DYM: variants seen among roughly 807,000 people sequenced by gnomAD.
DYM encodes dymeclin.
DYM carries 78 observed loss-of-function variants against 93.1 expected under a neutral mutation model. That is an observed-to-expected ratio of 0.84 (90% CI 0.70 to 1.01). The LOEUF (loss-of-function observed/expected upper bound fraction) is 1.01, where lower values mean the gene tolerates loss of function less well. Ranked by LOEUF, DYM falls within the 50% of genes least tolerant of loss-of-function variation. The pLI, the probability that DYM is intolerant of heterozygous loss-of-function variation, is 0.00. For synonymous variants in DYM, 321 were observed against 319.7 expected, an observed-to-expected ratio of 1.00 and a Z score of -0.04; for missense variants, 789 against 845.0, an observed-to-expected ratio of 0.93 and a Z score of 0.82.
rs193282570 is a variant in DYM, at chr18:49,324,109, T to C, written c.763+7755A>G. On this transcript the variant is annotated intron_variant, in intron 8 of 17. Transcript: ENST00000675505. ...TACATCATGTCACTGCACTCCAGCCTGAGTGACAGAGCCAGATAGGCTCTG... is the reference window on the plus strand; with the variant it reads ...TACATCATGTCACTGCACTCCAGCCCGAGTGACAGAGCCAGATAGGCTCTG... Among the ~76,000 whole-genome samples, 226 of 114,668 alleles carry C rather than the reference T, an allele frequency of 2.0e-3. 1 individual carries two copies. The highest frequency in any genetic ancestry group is 7.3e-3 in the African/African-American group (209 of 28,808). The allele number at this position is 114,668 out of a possible 152,430, so 75.2% of individuals were successfully genotyped here. A position where few individuals can be genotyped will look rare whatever the true frequency, so the allele number is the denominator to read the frequency against.
chr18:49,431,984 A>C (rs1466518259), intron 1 of DYM: 1 of 152,238 alleles, frequency 6.6e-6, no homozygotes, highest in Non-Finnish European at 1.5e-5. Context: ...ATCATAATTC[A>C]GCTTCAATTA....
intron 12 of DYM, among the ~76,000 whole-genome samples, chr18:49,257,775 G>A (rs1229915633): frequency 6.6e-6 from 1 of 152,022 alleles, no homozygotes; most frequent in African/African-American, 2.4e-5. Flanking sequence ...TTAAGCCCAG[G>A]GGTTGGAGGT....
At position 49,043,293 on chromosome 18, in the gene DYM, C is replaced by A. The variant is rs1286429420; in HGVS notation, c.*762G>T. ...TACAGGAATGTGCCATCATGCCTGG[C>A]TAATTTTTAAGTTTTTTGTAGAGAT... On this transcript the variant is annotated 3_prime_UTR_variant, in exon 18 of 18. Coordinates refer to ENST00000675505, the MANE Select transcript of DYM (RefSeq NM_001353214.3). The A allele has an allele frequency of 6.6e-6, 1 of 152,056 alleles. No homozygotes were observed. Among genetic ancestry groups the A allele is most frequent in the African/African-American group, 2.4e-5 (1 of 41,382 alleles). 9.4% of individuals were successfully genotyped at this position (152,056 alleles called of 1,614,324 possible).
intron 17 of DYM, among the ~76,000 whole-genome samples, chr18:49,082,292 C>G (rs1285134850): frequency 1.3e-5 from 2 of 152,212 alleles, no homozygotes; most frequent in African/African-American, 4.8e-5. Context: ...TGAGCATAAA[C>G]AGCCTGAAAT....
chr18:49,224,795 T>G (rs1457003601), intron 13 of DYM, among the ~76,000 whole-genome samples: 3 of 152,232 alleles, frequency 2.0e-5, no homozygotes, highest in Admixed American at 2.0e-4. Flanking sequence ...TATGCTATTT[T>G]GTTATAGCAA....
intron 17 of DYM, among the ~76,000 whole-genome samples, chr18:49,078,364 T>C (rs2077489296): frequency 6.6e-6 from 1 of 151,686 alleles, no homozygotes; most frequent in Admixed American, 6.6e-5. Flanking sequence ...ACCCCATAAA[T>C]ATACCTATGC....
intron 17 of DYM, among the ~76,000 whole-genome samples, chr18:49,062,064 A>G (rs1304163770): frequency 1.3e-5 from 2 of 152,160 alleles, no homozygotes; most frequent in East Asian, 3.9e-4. Context: ...GTAGCTGCAG[A>G]GACAAGCCTC....
rs371850343 is a variant in DYM, at chr18:49,378,609, G to T, written c.379C>A (p.Gln127Lys). 6.2e-7 allele frequency: 1 copy of T among 1,612,672 alleles called. No homozygotes were observed. The highest frequency in any genetic ancestry group is 8.5e-7 in the Non-Finnish European group (1 of 1,178,940). ...TTTTCTTCATAAGTAAAATGAAGTT[G>T]TAATTCCTCCTCTGACATCTGACAG... ...FICQMSEEEL[Q>K]LHFTYEEKSP... Residue 127 changes from glutamine to lysine, a missense_variant, in exon 5 of 18, where the codon CAA (glutamine) becomes AAA (lysine). By Grantham distance (53) the Gln-to-Lys change is moderately conservative. Around this residue, in one of 3 missense-constraint regions of DYM, gnomAD observed 450 missense variants for 436.2 expected, o/e 1.03. Coordinates refer to ENST00000675505, the MANE Select transcript of DYM (RefSeq NM_001353214.3).
intron 17 of DYM, among the ~76,000 whole-genome samples, chr18:49,056,709 T>A (rs896320510): frequency 6.6e-6 from 1 of 151,820 alleles, no homozygotes; most frequent in African/African-American, 2.4e-5. Context: ...GGGTAATTTT[T>A]TTTTTTTTTT....
At chr18:49,238,460 A>G (rs889461979) in intron 13 of DYM, among the ~76,000 whole-genome samples, 2 of 151,604 alleles carry the variant, frequency 1.3e-5, no homozygotes, top group African/African-American at 2.4e-5. Context: ...GTATATAATA[A>G]TATTATTTCT....
In DYM at chr18:49,179,951, T is replaced by C. The variant is rs184321729; in HGVS notation, c.1626-16164A>G. ...ATACTAAAGTGGAGAGGGTTAATAT[T>C]TTCCTTACTTTTGGTAGAGGAAATT... On this transcript the variant is annotated intron_variant, in intron 14 of 17. Transcript: ENST00000675505. Among the ~76,000 whole-genome samples, 5 of 152,280 alleles carry C rather than the reference T, an allele frequency of 3.3e-5. No individual in the cohort carries two copies. The East Asian group carries it at 9.6e-4, about 29-fold the overall frequency.
At chr18:49,240,748 T>C (rs919638834) in intron 13 of DYM, among the ~76,000 whole-genome samples, 1 of 152,182 alleles carries the variant, frequency 6.6e-6, no homozygotes, top group Non-Finnish European at 1.5e-5. Context: ...CTAGTTCAGC[T>C]CACAACTCTA....
At chr18:49,134,797 G>A (rs1023043560) in intron 15 of DYM, among the ~76,000 whole-genome samples, 5 of 152,080 alleles carry the variant, frequency 3.3e-5, no homozygotes, top group East Asian at 1.9e-4. Flanking sequence ...AGTTTTGTAC[G>A]GCAGAAATCT....
chr18:49,094,674 GT>G (rs2079383653), intron 17 of DYM, among the ~76,000 whole-genome samples: 1 of 152,214 alleles, frequency 6.6e-6, no homozygotes, highest in African/African-American at 2.4e-5. Flanking sequence ...AGAAGGCTAT[GT>G]CAAATAATAT....
intron 10 of DYM, among the ~76,000 whole-genome samples, chr18:49,275,336 C>T (rs1202706311): frequency 6.6e-6 from 1 of 152,134 alleles, no homozygotes; most frequent in East Asian, 1.9e-4. Context: ...TTATGTCTAT[C>T]CTTGTGCCAG....
chr18:49,258,515 T>C, intron 11 of DYM, 22 bp from the exon 12 acceptor site: 1 of 1,421,836 alleles, frequency 7.0e-7, no homozygotes. Context: ...AAGAAAAGTT[T>C]AAGTAAAAAA....
chr18:49,196,054 A>G (rs951084605), intron 14 of DYM, among the ~76,000 whole-genome samples: 5 of 150,532 alleles, frequency 3.3e-5, no homozygotes, highest in African/African-American at 9.8e-5. Flanking sequence ...CCTCCCGAGT[A>G]GCTGGGATCA....
chr18:49,300,166 A>G (rs12606710), intron 8 of DYM, among the ~76,000 whole-genome samples: 11,744 of 149,602 alleles, frequency 0.079, 734 homozygotes, highest in East Asian at 0.31. Context: ...TCAAGATTGA[A>G]GCCTGAATTA....
intron 8 of DYM, among the ~76,000 whole-genome samples, chr18:49,311,198 G>A (rs1005361045): frequency 1.3e-5 from 2 of 152,164 alleles, no homozygotes; most frequent in African/African-American, 4.8e-5. Context: ...CTGGAGAAGG[G>A]AAGGATCATG....
Sources: gnomAD v4.1 joint callset for allele counts (sites outside exome capture counted in the v4.1 genomes callset) on GRCh38, gnomAD v4.1.1 for gene constraint, gnomAD v4.1.1 regional missense constraint, MANE v1.5 for transcripts, NCBI Gene and HGNC (gene_info 2026-07-23, HGNC 2026-07-21) for gene names.